GZF1: variants seen among roughly 807,000 people sequenced by gnomAD.
The protein encoded by GZF1 is GDNF-inducible zinc finger protein 1.
GZF1 carries 28 observed loss-of-function variants against 49.4 expected under a neutral mutation model. The ratio of observed to expected loss-of-function variants is 0.57; its 90% CI spans 0.42 to 0.78. The LOEUF is 0.78. Among genes scored for constraint, GZF1 ranks in the 30% least tolerant of loss-of-function variants. The probability of loss-of-function intolerance (pLI) is 0.00; values close to 1 mark genes in which losing one functional copy is unlikely to be tolerated. For missense variants in GZF1, 798 were observed against 916.2 expected (o/e 0.87, Z 1.67); for synonymous variants, 364 against 356.0 (o/e 1.02, Z -0.25).
Position 23,364,552 on chromosome 20 carries a change from A to C in GZF1, c.169A>C (p.Ser57Arg). 2 of 1,614,248 alleles carry C rather than the reference A, an allele frequency of 1.2e-6. No individual in the cohort carries two copies. Among genetic ancestry groups the C allele is most frequent in the Non-Finnish European group, 1.7e-6 (2 of 1,180,046 alleles). ...CCACAAGGCAGTGCTGGCTGCCACC[A>C]GCAAGTTTTTTAAGGAAGTGTTCCT... ...MAHKAVLAATSKFFKEVFLNE... is the reference protein window; with the variant it reads ...MAHKAVLAATRKFFKEVFLNE... The change falls in exon 2 of 6, where the codon AGC becomes CGC. Residue 57 changes from serine (S) to arginine (R), a missense_variant. By Grantham distance (110) the Ser-to-Arg change is moderately radical. Around this residue, in one of 3 missense-constraint regions of GZF1, gnomAD observed 105 missense variants for 147.5 expected, o/e 0.71. Coordinates refer to ENST00000338121, the MANE Select transcript of GZF1 (RefSeq NM_022482.5).
intron 5 of GZF1, 110 bp from the exon 6 acceptor site, chr20:23,369,981 G>C: frequency 1.0e-6 from 1 of 1,001,630 alleles, no homozygotes; most frequent in Non-Finnish European, 1.5e-6. Flanking sequence ...TGGCAGGCGG[G>C]TACTTATTAG....
chr20:23,365,743 A>G lies in GZF1; in HGVS notation c.1360A>G (p.Met454Val), dbSNP rs1981277400. 1.3e-6 allele frequency: 2 copies of G among 1,533,792 alleles called. No homozygotes were observed. The highest frequency in any genetic ancestry group is 1.9e-5 in the Admixed American group (1 of 52,620). ...GCAGCCGTCCGCGCTCAAGACGCAC[A>G]TGAGGTACGCGGGGAGCCGTCCGGA... ...FSQPSALKTH[M>V]RIHTGEKPFV... The change falls in exon 2 of 6, where the codon ATG (methionine) becomes GTG (valine). Residue 454 changes from methionine to valine, a missense_variant. By Grantham distance (21) the Met-to-Val change is conservative. Transcript: ENST00000338121.
In GZF1 at chr20:23,365,399, G is replaced by A. The variant is rs200122736; in HGVS notation, c.1016G>A (p.Arg339His). The A allele has an allele frequency of 5.1e-5, 83 of 1,613,818 alleles. No homozygotes were observed. In the East Asian group the frequency reaches 1.6e-3, roughly 31 times the overall value. Residue 339 changes from arginine to histidine, a missense_variant, in exon 2 of 6, where the codon CGC becomes CAC. Coordinates refer to ENST00000338121, the MANE Select transcript of GZF1 (RefSeq NM_022482.5). ...AGCTTCCTGAAGCACAGCAAGCACC[G>A]CCACGGCGTGGCCACCGAGGTGGTG... ...EKSFLKHSKH[R>H]HGVATEVVYR... is the part of the protein sequence containing the mutation.
chr20:23,369,071 TTAG>T, intron 4 of GZF1, 142 bp downstream of exon 4: 1 of 661,262 alleles, frequency 1.5e-6, no homozygotes, highest in Non-Finnish European at 2.5e-6. Flanking sequence ...TAGCATTTCT[TTAG>T]AGATTGTTTC....
At position 23,369,744 on chromosome 20, in the gene GZF1, A is replaced by G; in HGVS notation, c.1785+3A>G. ...CCACTCTTCGGCGGCACACCTCAGT[A>G]AGCAGTGGGTTGGCTTATTTGAGAA... On this transcript the variant is annotated splice_donor_region_variant and intron_variant, in intron 5 of 5. Transcript: ENST00000338121. 1.9e-6 allele frequency: 3 copies of G among 1,607,248 alleles called. No individual in the cohort carries two copies. The highest frequency in any genetic ancestry group is 2.6e-6 in the Non-Finnish European group (3 of 1,176,290).
rs1432596956 is a variant in GZF1 at position 23,365,793 on chromosome 20, G to A, written c.1364+46G>A. 2.0e-6 allele frequency: 3 copies of A among 1,468,644 alleles called. No individual in the cohort carries two copies. In the South Asian group the frequency reaches 4.1e-5, roughly 20 times the overall value. The allele number at this position is 1,468,644 out of a possible 1,614,324, so 91.0% of individuals were successfully genotyped here. On this transcript the variant is annotated intron_variant, in intron 2 of 5. Coordinates refer to ENST00000338121, the MANE Select transcript of GZF1 (RefSeq NM_022482.5). ...AGGGGTCCCTGCGCACTGGAAGGGTGTGTCAAGCACTGAGGTCGTCCTGGG... is the reference window on the plus strand; with the variant it reads ...AGGGGTCCCTGCGCACTGGAAGGGTATGTCAAGCACTGAGGTCGTCCTGGG...
chr20:23,364,728 G>A lies in GZF1; in HGVS notation c.345G>A (p.Lys115=), dbSNP rs1981094940. ...RVQRMLEVAE[K]LKCLDLSETC... ...AGCGAATGCTGGAAGTGGCTGAAAA[G>A]CTGAAATGTTTGGATTTATCAGAAA... is the stretch of plus-strand genomic sequence containing the variant. Residue 115 remains lysine, a synonymous_variant, in exon 2 of 6, where the codon AAG becomes AAA. Coordinates refer to ENST00000338121, the MANE Select transcript of GZF1 (RefSeq NM_022482.5). The A allele has an allele frequency of 6.2e-7, 1 of 1,614,274 alleles. No homozygotes were observed. Among genetic ancestry groups the A allele is most frequent in the African/African-American group, 1.3e-5 (1 of 75,074 alleles).
intron 2 of GZF1, 81 bp downstream of exon 2, chr20:23,365,828 C>T: frequency 6.3e-6 from 9 of 1,431,330 alleles, no homozygotes; most frequent in Non-Finnish European, 7.3e-6. Context: ...GATTTGATGT[C>T]TCACTGCTTA....
At chr20:23,362,308 C>T (rs940257676) in intron 1 of GZF1, 71 bp downstream of exon 1, 1 of 152,320 alleles carries the variant, frequency 6.6e-6, no homozygotes, top group Non-Finnish European at 1.5e-5. Context: ...CCGCGCGCCC[C>T]GGCTGCTCTG....
intron 3 of GZF1, 97 bp from the exon 4 acceptor site, chr20:23,368,665 C>T (rs1981694492): frequency 1.3e-6 from 1 of 773,498 alleles, no homozygotes; most frequent in Admixed American, 3.5e-5. Context: ...TACCAAGGCA[C>T]TTTTGAGTTC....
upstream of GZF1, among the ~76,000 whole-genome samples, chr20:23,361,999 C>T (rs374252987): frequency 2.6e-5 from 4 of 152,184 alleles, no homozygotes; most frequent in East Asian, 5.8e-4. Context: ...CGCAATCCGG[C>T]GTCGCCAGTC....
Position 23,365,029 on chromosome 20 carries a change from T to C in GZF1, c.646T>C (p.Tyr216His). ...GAAGAAAGAGGTAGTTAAACCTCCCTACCCTAAAATCAGGAGAGCTAGTGG... is the reference window on the plus strand; with the variant it reads ...GAAGAAAGAGGTAGTTAAACCTCCCCACCCTAAAATCAGGAGAGCTAGTGG... Reference protein sequence around the residue: ...DKKKEVVKPPYPKIRRASGRL... With the variant: ...DKKKEVVKPPHPKIRRASGRL... The change falls in exon 2 of 6, where the codon TAC becomes CAC. Residue 216 changes from tyrosine (Y) to histidine (H), a missense_variant. By Grantham distance (83) the Tyr-to-His change is moderately conservative (BLOSUM62 2). This residue lies in a region of GZF1 where 247 missense variants were observed against 228.5 expected (regional missense o/e 1.08). Transcript: ENST00000338121. 6.2e-7 allele frequency: 1 copy of C among 1,614,174 alleles called. No individual in the cohort carries two copies. Among genetic ancestry groups the C allele is most frequent in the Non-Finnish European group, 8.5e-7 (1 of 1,180,022 alleles).
Position 23,365,737 on chromosome 20 carries a change from A to G in GZF1, c.1354A>G (p.Thr452Ala). 6.5e-7 allele frequency: 1 copy of G among 1,540,612 alleles called. No individual in the cohort carries two copies. The highest frequency in any genetic ancestry group is 1.2e-5 in the South Asian group (1 of 81,940). Residue 452 changes from threonine to alanine, a missense_variant, in exon 2 of 6, where the codon ACG becomes GCG. Physicochemically the swap from Thr to Ala is moderately conservative, Grantham distance 58 (BLOSUM62 0). This residue lies in a region of GZF1 where 446 missense variants were observed against 540.1 expected (regional missense o/e 0.83). Transcript: ENST00000338121. ...ARFSQPSALKTHMRIHTGEKP... is the reference protein window; with the variant it reads ...ARFSQPSALKAHMRIHTGEKP... ...GTTCTCGCAGCCGTCCGCGCTCAAG[A>G]CGCACATGAGGTACGCGGGGAGCCG...
intron 2 of GZF1, among the ~76,000 whole-genome samples, chr20:23,366,449 A>C (rs763543060): frequency 6.0e-5 from 9 of 150,798 alleles, no homozygotes; most frequent in Non-Finnish European, 1.2e-4. Flanking sequence ...TGGTTTAGGA[A>C]GTGCTCAGTA....
chr20:23,361,891 G>A (rs1271267717), upstream of GZF1, among the ~76,000 whole-genome samples: 1 of 152,210 alleles, frequency 6.6e-6, no homozygotes, highest in Non-Finnish European at 1.5e-5. Flanking sequence ...TTTCGCGACT[G>A]GCCCCGCCCC....
rs1981822112 is a variant in GZF1 at position 23,369,565 on chromosome 20, T to TCC, written c.1628-18_1628-17dup. 2 of 1,592,560 alleles carry TCC rather than the reference T, an allele frequency of 1.3e-6. No individual in the cohort carries two copies. The highest frequency in any genetic ancestry group is 4.5e-5 in the East Asian group (2 of 44,534). ...AGGCCAAAGGGACCCACCAGCAGTCTCCTCTCTCCCTGCCTCAGGGGAGCG... is the reference window on the plus strand; with the variant it reads ...AGGCCAAAGGGACCCACCAGCAGTCTCCCCTCTCTCCCTGCCTCAGGGGAGCG... On this transcript the variant is annotated intron_variant, in intron 4 of 5. Coordinates refer to ENST00000338121, the MANE Select transcript of GZF1 (RefSeq NM_022482.5).
At chr20:23,367,339 G>A (rs180681005) in intron 3 of GZF1, among the ~76,000 whole-genome samples, 1 of 152,318 alleles carries the variant, frequency 6.6e-6, no homozygotes, top group East Asian at 1.9e-4. Flanking sequence ...TAGGTATCAA[G>A]AGATATAAAA....
chr20:23,364,572 G>A lies in GZF1; in HGVS notation c.189G>A (p.Val63=). 6.2e-7 allele frequency: 1 copy of A among 1,614,218 alleles called. No individual in the cohort carries two copies. The highest frequency in any genetic ancestry group is 8.5e-7 in the Non-Finnish European group (1 of 1,180,032). ...LAATSKFFKE[V]FLNEKSVDGT... Reference sequence around the variant, plus strand: ...CCACCAGCAAGTTTTTTAAGGAAGTGTTCCTTAATGAGAAGAGTGTGGATG... The same window carrying A: ...CCACCAGCAAGTTTTTTAAGGAAGTATTCCTTAATGAGAAGAGTGTGGATG... The change falls in exon 2 of 6, where the codon GTG becomes GTA. Residue 63 remains valine (V), a synonymous_variant. Coordinates refer to ENST00000338121, the MANE Select transcript of GZF1 (RefSeq NM_022482.5).
intron 3 of GZF1, among the ~76,000 whole-genome samples, chr20:23,368,330 G>A (rs1038944082): frequency 4.6e-5 from 7 of 152,188 alleles, no homozygotes; most frequent in African/African-American, 1.7e-4. Context: ...ATTCAATCAA[G>A]TTGATTGGAG....
Sources: allele counts gnomAD v4.1 joint callset (sites outside exome capture counted in the v4.1 genomes callset), GRCh38; gene constraint gnomAD v4.1.1; regional missense constraint gnomAD v4.1.1; transcripts MANE v1.5; gene names NCBI Gene and HGNC (gene_info 2026-07-23, HGNC 2026-07-21).